ZDHHC24: variants seen among roughly 807,000 people sequenced by gnomAD.
The protein encoded by ZDHHC24 is zDHHC palmitoyltransferase 24.
ZDHHC24 carries 17 observed loss-of-function variants against 23.2 expected under a neutral mutation model. That is an observed-to-expected ratio of 0.73 (90% confidence interval 0.50 to 1.10). The LOEUF is 1.10. Ranked by LOEUF, ZDHHC24 falls within the 50% of genes least tolerant of loss-of-function variation. ZDHHC24 has a pLI of 0.00. For synonymous variants in ZDHHC24, 186 were observed against 194.5 expected (o/e 0.96, Z 0.36); for missense variants, 366 against 393.0 (o/e 0.93, Z 0.58).
At chr11:66,540,384 G>C (rs923424728) in intron 2 of ZDHHC24, among the ~76,000 whole-genome samples, 2 of 132,888 alleles carry the variant, frequency 1.5e-5, no homozygotes, top group Non-Finnish European at 1.5e-5. Flanking sequence ...CTGAGATCAC[G>C]CCACTGCACT....
At chr11:66,521,175 C>A in exon 5 of ZDHHC24, 2 of 940,092 alleles carry the variant, frequency 2.1e-6, no homozygotes, top group East Asian at 4.8e-5. Context: ...GAGATTGGGA[C>A]TTTAGACCAG....
chr11:66,529,145 C>G (rs1051161158), intron 3 of ZDHHC24: 1 of 974,656 alleles, frequency 1.0e-6, no homozygotes, highest in Non-Finnish European at 1.2e-6. Flanking sequence ...GCGAAGCCAG[C>G]CTGGGGGACC....
rs1249225552 is a variant in ZDHHC24, at chr11:66,538,637, C to G, written c.*892G>C. The G allele has an allele frequency of 6.6e-6, 1 of 152,190 alleles. No individual in the cohort carries two copies. Among genetic ancestry groups the G allele is most frequent in the African/African-American group, 2.4e-5 (1 of 41,440 alleles). The allele number at this position is 152,190 out of a possible 1,614,324, so 9.4% of individuals were successfully genotyped here. On this transcript the variant is annotated 3_prime_UTR_variant, in exon 3 of 3. Coordinates refer to ENST00000310442, the MANE Select transcript of ZDHHC24 (RefSeq NM_207340.3). Reference sequence around the variant, plus strand: ...TATTTTTGATTTTCTTTACTATCATCTTAGAGAGATCCTAAGAGAAAACTG... The same window carrying G: ...TATTTTTGATTTTCTTTACTATCATGTTAGAGAGATCCTAAGAGAAAACTG...
intron 2 of ZDHHC24, 40 bp downstream of exon 2, chr11:66,543,664 G>C (rs1212551275): frequency 6.6e-7 from 1 of 1,520,826 alleles, no homozygotes; most frequent in Non-Finnish European, 8.8e-7. Context: ...CCCAATACCA[G>C]GGCCCCTGCC....
chr11:66,543,475 A>G (rs1857210445), intron 2 of ZDHHC24, among the ~76,000 whole-genome samples: 1 of 152,110 alleles, frequency 6.6e-6, no homozygotes, highest in Non-Finnish European at 1.5e-5. Context: ...TCCTCTCTCA[A>G]CAACTCCAGG....
At position 66,539,592 on chromosome 11, in the gene ZDHHC24, G is replaced by T. The variant is rs1314877060; in HGVS notation, c.792C>A (p.Ser264=). The change falls in exon 3 of 3, where the codon TCC becomes TCA. Residue 264 remains serine (S), a synonymous_variant. Transcript: ENST00000310442. ...AGGTGATCCCATCCCCAGGCAATGG[G>T]GAGGCCAGGAAGGGCCAGAGCCAGA... is the stretch of plus-strand genomic sequence containing the variant. ...ALVWLWPFLA[S]PLPGDGITFQ... The T allele has an allele frequency of 1.9e-6, 3 of 1,611,684 alleles. No homozygotes were observed. In the African/African-American group the frequency reaches 4.0e-5, roughly 22 times the overall value.
At chr11:66,521,216 A>G (rs902726291) in exon 5 of ZDHHC24, 15 of 1,358,842 alleles carry the variant, frequency 1.1e-5, no homozygotes, top group Non-Finnish European at 1.6e-5. Flanking sequence ...CTGACAGGGC[A>G]GGGAGGGACG....
In ZDHHC24 at chr11:66,539,675, A is replaced by G; in HGVS notation, c.709T>C (p.Tyr237His). 1 of 1,611,320 alleles carries G rather than the reference A, an allele frequency of 6.2e-7. No individual in the cohort carries two copies. Among genetic ancestry groups the G allele is most frequent in the Non-Finnish European group, 8.5e-7 (1 of 1,179,520 alleles). ...AGGTTGTGGCAGGGACCCAGGTCAT[A>G]GGAGTGCTGGCCCCGAGCCCACTCC... The part of the protein sequence containing the change: ...TWEWARGQHS[Y>H]DLGPCHNLQA... Residue 237 changes from tyrosine (Y) to histidine (H), a missense_variant, in exon 3 of 3, where the codon TAT becomes CAT. By Grantham distance (83) the Tyr-to-His change is moderately conservative. Transcript: ENST00000310442.
chr11:66,535,306 C>G (rs572360617), downstream of ZDHHC24, among the ~76,000 whole-genome samples: 10 of 151,962 alleles, frequency 6.6e-5, no homozygotes, highest in Non-Finnish European at 1.2e-4. Flanking sequence ...ACCTGCTGAG[C>G]TCAAGCCATC....
intron 4 of ZDHHC24, among the ~76,000 whole-genome samples, chr11:66,522,367 TCA>T (rs1201488534): frequency 1.1e-4 from 16 of 149,852 alleles, no homozygotes; most frequent in Admixed American, 9.3e-4. Flanking sequence ...TGAGACAGAG[TCA>T]CAGAGTCTCA....
intron 4 of ZDHHC24, chr11:66,526,063 C>T (rs1856474802): frequency 6.6e-7 from 1 of 1,518,540 alleles, no homozygotes; most frequent in Non-Finnish European, 9.1e-7. Flanking sequence ...CCTACCCATC[C>T]CCTGTCTTGC....
rs530771452 is a variant in ZDHHC24, at chr11:66,541,157, T to C, written c.560-1333A>G. ...TGGCTCATGCCTGTAATCCCAGCAA[T>C]TTAGGAGGCTGAGGCAGGTGGATCA... is the stretch of plus-strand genomic sequence containing the variant. On this transcript the variant is annotated intron_variant, in intron 2 of 2. Transcript: ENST00000310442. Among the ~76,000 whole-genome samples the C allele has an allele frequency of 1.1e-4, 17 of 151,500 alleles. No homozygotes were observed. In the South Asian group the frequency reaches 2.5e-3, roughly 22 times the overall value.
At chr11:66,532,130 C>G (rs1856812710), downstream of ZDHHC24, 1 of 1,341,980 alleles carries the variant, frequency 7.5e-7, no homozygotes, top group Admixed American at 2.1e-5. Context: ...CAGCAGTGTG[C>G]TGGGGCGACA....
At chr11:66,533,427 T>C (rs1261284908), downstream of ZDHHC24, 1 of 152,218 alleles carries the variant, frequency 6.6e-6, no homozygotes, top group Non-Finnish European at 1.5e-5. Flanking sequence ...ATCTTAGACA[T>C]TACCTGTTGA....
intron 1 of ZDHHC24, 126 bp from the exon 2 acceptor site, chr11:66,544,107 T>C: frequency 1.6e-6 from 2 of 1,265,542 alleles, no homozygotes; most frequent in Non-Finnish European, 2.2e-6. Context: ...AGCCTCAATT[T>C]CTTTACAAGT....
At chr11:66,524,880 C>A (rs985871997) in intron 4 of ZDHHC24, among the ~76,000 whole-genome samples, 7 of 151,606 alleles carry the variant, frequency 4.6e-5, no homozygotes, top group Non-Finnish European at 7.4e-5. Flanking sequence ...CATGGTGAAA[C>A]CCCATCTCTA....
chr11:66,531,731 G>C, downstream of ZDHHC24: 1 of 1,614,020 alleles, frequency 6.2e-7, no homozygotes, highest in Non-Finnish European at 8.5e-7. Flanking sequence ...GGGCATCTCA[G>C]ACATCATCAA....
At chr11:66,525,303 G>A (rs945354532) in intron 4 of ZDHHC24, among the ~76,000 whole-genome samples, 2 of 152,042 alleles carry the variant, frequency 1.3e-5, no homozygotes, top group African/African-American at 4.8e-5. Flanking sequence ...AGGTTGCAGT[G>A]AACTGAGATC....
intron 4 of ZDHHC24, chr11:66,526,667 A>C: frequency 6.2e-7 from 1 of 1,614,222 alleles, no homozygotes. Flanking sequence ...CTGATCATCA[A>C]GATCCTGAAG....
Sources: allele counts gnomAD v4.1 joint callset (sites outside exome capture counted in the v4.1 genomes callset), GRCh38; gene constraint gnomAD v4.1.1; transcripts MANE v1.5; gene names NCBI Gene and HGNC (gene_info 2026-07-23, HGNC 2026-07-21).